SOX5: variants seen among roughly 807,000 people sequenced by gnomAD.
SOX5 encodes the protein SRY-box transcription factor 5.
A neutral mutation model predicts 92.0 loss-of-function variants in SOX5; 9 were observed. That is an observed-to-expected ratio of 0.10 (90% CI 0.06 to 0.17). SOX5 has a LOEUF of 0.17. Ranked by LOEUF, SOX5 falls within the 10% of genes least tolerant of loss-of-function variation. The pLI is 1.00. For missense variants in SOX5, 642 were observed against 944.5 expected (o/e 0.68, Z 4.20); for synonymous variants, 344 against 336.3 (o/e 1.02, Z -0.25).
intron 1 of SOX5, among the ~76,000 whole-genome samples, chr12:24,450,244 G>A (rs755305461): frequency 6.6e-6 from 1 of 152,112 alleles, no homozygotes; most frequent in Non-Finnish European, 1.5e-5. Context: ...GCCACTGGAA[G>A]CATCCCACAG....
intron 2 of SOX5, among the ~76,000 whole-genome samples, chr12:24,330,435 C>G (rs1565919280): frequency 6.6e-6 from 1 of 152,168 alleles, no homozygotes; most frequent in Non-Finnish European, 1.5e-5. Context: ...GAGACAGTGA[C>G]AGAGAGAGAG....
intron 1 of SOX5, among the ~76,000 whole-genome samples, chr12:24,549,989 A>G (rs150192314): frequency 7.9e-4 from 120 of 152,346 alleles, no homozygotes; most frequent in Non-Finnish European, 1.5e-3. Context: ...ATGACTTAAC[A>G]GGACTAAAAA....
intron 6 of SOX5, among the ~76,000 whole-genome samples, chr12:23,695,647 C>CA (rs1298710588): frequency 2.0e-5 from 3 of 151,918 alleles, no homozygotes; most frequent in Non-Finnish European, 2.9e-5. Context: ...CATGCATACA[C>CA]AATAAAAATA....
At chr12:23,958,288 A>G (rs556415805) in intron 4 of SOX5, among the ~76,000 whole-genome samples, 1 of 152,180 alleles carries the variant, frequency 6.6e-6, no homozygotes, top group Non-Finnish European at 1.5e-5. Context: ...TATGAGGCAT[A>G]CTGAGAAAAA....
At chr12:24,369,257 C>T (rs1188714074) in intron 1 of SOX5, among the ~76,000 whole-genome samples, 1 of 152,138 alleles carries the variant, frequency 6.6e-6, no homozygotes, top group Non-Finnish European at 1.5e-5. Context: ...CTTTGTTTGG[C>T]TGAAGGCTTT....
At chr12:24,296,932 C>CAG (rs1417183164) in intron 2 of SOX5, among the ~76,000 whole-genome samples, 46 of 22,396 alleles carry the variant, frequency 2.1e-3, no homozygotes, top group Non-Finnish European at 3.7e-3. Flanking sequence ...GACAGACAGA[C>CAG]ACACACACAC....
intron 2 of SOX5, among the ~76,000 whole-genome samples, chr12:23,865,080 C>A (rs116523753): frequency 0.021 from 3,197 of 152,108 alleles, 107 homozygotes; most frequent in African/African-American, 0.074. Flanking sequence ...ATGCTAGGGC[C>A]CTAAAGAATT....
At chr12:24,116,096 A>G (rs866029575) in intron 4 of SOX5, among the ~76,000 whole-genome samples, 20 of 152,142 alleles carry the variant, frequency 1.3e-4, no homozygotes, top group Admixed American at 2.6e-4. Flanking sequence ...AGATGGGGGG[A>G]AAAGAGCTGA....
intron 2 of SOX5, among the ~76,000 whole-genome samples, chr12:23,862,243 C>A (rs2096764373): frequency 6.6e-6 from 1 of 152,096 alleles, no homozygotes; most frequent in Admixed American, 6.6e-5. Flanking sequence ...TTGTTTCAGT[C>A]AGTGGAAGGG....
intron 1 of SOX5, among the ~76,000 whole-genome samples, chr12:23,897,331 G>A (rs977445710): frequency 1.3e-5 from 2 of 152,008 alleles, no homozygotes; most frequent in Admixed American, 6.6e-5. Flanking sequence ...TTCAAGTACA[G>A]GAGATATTCT....
intron 6 of SOX5, among the ~76,000 whole-genome samples, chr12:23,684,551 CT>C (rs1221104129): frequency 6.6e-6 from 1 of 152,000 alleles, no homozygotes; most frequent in Non-Finnish European, 1.5e-5. Context: ...TTGTTCAGTT[CT>C]TTTAATTACA....
At chr12:24,037,828 C>A (rs1363856777) in intron 4 of SOX5, among the ~76,000 whole-genome samples, 2 of 152,100 alleles carry the variant, frequency 1.3e-5, no homozygotes, top group Non-Finnish European at 2.9e-5. Flanking sequence ...ACTTACAACA[C>A]CACTTCCCCA....
At chr12:24,026,205 C>T (rs764221145) in intron 4 of SOX5, among the ~76,000 whole-genome samples, 4 of 151,966 alleles carry the variant, frequency 2.6e-5, no homozygotes, top group Non-Finnish European at 5.9e-5. Context: ...GGGGTAACCA[C>T]GGGAGTGAAG....
chr12:23,642,594 G>A lies in SOX5; in HGVS notation c.932-1697C>T, dbSNP rs74539655. Among the ~76,000 whole-genome samples, 104 of 152,340 alleles carry A rather than the reference G, an allele frequency of 6.8e-4. 5 individuals carry two copies. In the East Asian group the frequency reaches 0.018, roughly 26 times the overall value. On this transcript the variant is annotated intron_variant, in intron 7 of 14. Transcript: ENST00000451604. ...ATTGCTGAAGTACAGAGAGCATGTAGGGAAGTGAGATCAATGGGATTGGGG... is the reference window on the plus strand; with the variant it reads ...ATTGCTGAAGTACAGAGAGCATGTAAGGAAGTGAGATCAATGGGATTGGGG...
At chr12:23,607,493 T>C (rs1463053021) in intron 8 of SOX5, among the ~76,000 whole-genome samples, 2 of 152,120 alleles carry the variant, frequency 1.3e-5, no homozygotes, top group Non-Finnish European at 2.9e-5. Context: ...CTCTGACTTA[T>C]TTTAATTCAC....
At chr12:24,069,391 T>C (rs1325352259) in intron 4 of SOX5, among the ~76,000 whole-genome samples, 1 of 152,208 alleles carries the variant, frequency 6.6e-6, no homozygotes, top group Non-Finnish European at 1.5e-5. Flanking sequence ...CTTTTCTTAA[T>C]CTAAAATTAG....
chr12:24,127,718 G>T (rs569638481), intron 4 of SOX5, among the ~76,000 whole-genome samples: 1 of 152,094 alleles, frequency 6.6e-6, no homozygotes, highest in Non-Finnish European at 1.5e-5. Context: ...CACTCTCTTT[G>T]GGAGGGGTAT....
rs60085412 is a variant in SOX5 at position 24,056,974 on chromosome 12, C to CAA, written c.-2+156367_-2+156368dup. ...TGGGCGACAGAGCGAGACTCCGTCT[C>CAA]AAAAAAAAAAAAAAAAAAATTCAAC... On this transcript the variant is annotated intron_variant, in intron 4 of 4. Coordinates refer to the SOX5 transcript ENST00000446891. Among the ~76,000 whole-genome samples the CAA allele has an allele frequency of 3.9e-3, 145 of 36,892 alleles. 9 individuals are homozygous for CAA. The highest frequency in any genetic ancestry group is 6.3e-3 in the Admixed American group (19 of 3,034). The allele number at this position is 36,892 out of a possible 152,430, so 24.2% of individuals were successfully genotyped here. A position where few individuals can be genotyped will look rare whatever the true frequency, so the allele number is the denominator to read the frequency against.
chr12:24,501,760 T>C (rs1380320493), intron 1 of SOX5, among the ~76,000 whole-genome samples: 2 of 152,108 alleles, frequency 1.3e-5, no homozygotes, highest in South Asian at 2.1e-4. Context: ...TGGGGAGGTA[T>C]AGGTTGAAGT....
Sources: gnomAD v4.1 joint callset for allele counts (sites outside exome capture counted in the v4.1 genomes callset) on GRCh38, gnomAD v4.1.1 for gene constraint, MANE v1.5 for transcripts, NCBI Gene and HGNC (gene_info 2026-07-23, HGNC 2026-07-21) for gene names.